The following FLT4 variants were observed in gnomAD, a reference collection of about 807,000 sequenced individuals.
FLT4 encodes the protein vascular endothelial growth factor receptor 3.
In FLT4, 30 loss-of-function variants were observed where a neutral mutation model predicts 163.2. That is an observed-to-expected ratio of 0.18 (90% CI 0.14 to 0.25). The LOEUF (loss-of-function observed/expected upper bound fraction) is 0.25, where lower values mean the gene tolerates loss of function less well. Ranked by LOEUF, FLT4 falls within the 10% of genes least tolerant of loss-of-function variation. The probability of loss-of-function intolerance (pLI) is 1.00; values close to 1 mark genes in which losing one functional copy is unlikely to be tolerated. For missense variants in FLT4, 1,510 were observed against 1,863.8 expected (o/e 0.81, Z 3.50); for synonymous variants, 884 against 789.5 (o/e 1.12, Z -2.01).
rs1764063443 is a variant in FLT4 at position 180,630,850 on chromosome 5, C to T, written c.156-51G>A. The T allele has an allele frequency of 1.3e-6, 2 of 1,554,358 alleles. No individual in the cohort carries two copies. The highest frequency in any genetic ancestry group is 1.2e-5 in the South Asian group (1 of 85,718). ...TGGGCCCCAGGGCAGCCCATGGGGA[C>T]TGTCCCTGAGAAGCCTCCCTCAGGC... On this transcript the variant is annotated intron_variant, in intron 2 of 29. Transcript: ENST00000261937. The surrounding 1 kb of genome is among the most constrained non-coding windows in gnomAD (Gnocchi z 6.3).
Position 180,631,795 on chromosome 5 carries a change from G to C in FLT4, c.59-17C>G. 6.4e-7 allele frequency: 1 copy of C among 1,563,578 alleles called. No homozygotes were observed. Among genetic ancestry groups the C allele is most frequent in the Non-Finnish European group, 8.8e-7 (1 of 1,139,950 alleles). ...TCACCAGGCCTGGGGTGGGAGACAG[G>C]GTCAGCGTGGTGCTGGGCTGTGACT... On this transcript the variant is annotated splice_polypyrimidine_tract_variant and intron_variant, in intron 1 of 29. Coordinates refer to ENST00000261937, the MANE Select transcript of FLT4 (RefSeq NM_182925.5).
Position 180,603,305 on chromosome 5 carries a change from G to C in FLT4, c.3979C>G (p.Arg1327Gly). Residue 1327 changes from arginine (R) to glycine (G), a missense_variant, in exon 30 of 30, where the codon CGA becomes GGA. This residue lies in a region of FLT4 where 295 missense variants were observed against 311.0 expected (regional missense o/e 0.95). Coordinates refer to ENST00000261937, the MANE Select transcript of FLT4 (RefSeq NM_182925.5). ...CTGTTGTAAAACACCTGGCCTCCTCGGGCCCCCCGCTCAGGCCGCCGCCGC... is the reference window on the plus strand; with the variant it reads ...CTGTTGTAAAACACCTGGCCTCCTCCGGCCCCCCGCTCAGGCCGCCGCCGC... ...GRRRRPERGA[R>G]GGQVFYNSEY... 1.2e-6 allele frequency: 2 copies of C among 1,613,908 alleles called. No homozygotes were observed. The highest frequency in any genetic ancestry group is 1.7e-6 in the Non-Finnish European group (2 of 1,179,942).
intron 29 of FLT4, among the ~76,000 whole-genome samples, chr5:180,605,958 G>C (rs1026839294): frequency 4.6e-5 from 7 of 152,210 alleles, no homozygotes; most frequent in Admixed American, 1.3e-4. Flanking sequence ...TGGTTAACAG[G>C]AGACAGCGAA....
At chr5:180,609,170 C>T in intron 28 of FLT4, 117 bp from the exon 29 acceptor site, 1 of 806,388 alleles carries the variant, frequency 1.2e-6, no homozygotes, top group Non-Finnish European at 2.2e-6. Flanking sequence ...TAACACCTGT[C>T]CCTGGGAAGC....
At chr5:180,608,530 G>A (rs1761930525) in intron 29 of FLT4, among the ~76,000 whole-genome samples, 1 of 152,132 alleles carries the variant, frequency 6.6e-6, no homozygotes, top group African/African-American at 2.4e-5. Context: ...CACACGGGGA[G>A]AACACCCGCT....
intron 29 of FLT4, among the ~76,000 whole-genome samples, chr5:180,607,473 TA>T (rs921732039): frequency 6.6e-6 from 1 of 150,868 alleles, no homozygotes; most frequent in East Asian, 2.0e-4. Flanking sequence ...CGGTCTCTAC[TA>T]AAAAAAATAC....
rs181584754 is a variant in FLT4, at chr5:180,624,010, C to A, written c.1473G>T (p.Ala491=). 5.8e-5 allele frequency: 94 copies of A among 1,613,292 alleles called. No individual in the cohort carries two copies. Among genetic ancestry groups the A allele is most frequent in the Non-Finnish European group, 7.8e-5 (92 of 1,179,996 alleles). Residue 491 remains alanine (A), a synonymous_variant, in exon 11 of 30, where the codon GCG becomes GCT. Coordinates refer to ENST00000261937, the MANE Select transcript of FLT4 (RefSeq NM_182925.5). ...GGTTCACGGCATCCTGCGTGGTCAC[C>A]GCCCTCCAGTCACGGCACTGTGGCA... ...DLMPQCRDWR[A]VTTQDAVNPI...
intron 1 of FLT4, among the ~76,000 whole-genome samples, chr5:180,642,170 G>C (rs1479780575): frequency 6.7e-6 from 1 of 150,366 alleles, no homozygotes; most frequent in Non-Finnish European, 1.5e-5. Flanking sequence ...TCGCGCCACT[G>C]CACTCCAGCT....
chr5:180,618,993 C>G (rs1214543082), intron 20 of FLT4, 28 bp downstream of exon 20: 1 of 1,546,848 alleles, frequency 6.5e-7, no homozygotes, highest in Non-Finnish European at 8.7e-7. Flanking sequence ...CCCCGCCGCC[C>G]GCGGCGCCCC....
intron 24 of FLT4, chr5:180,613,770 G>A (rs1762399875): frequency 6.3e-6 from 3 of 473,910 alleles, no homozygotes; most frequent in East Asian, 4.0e-5. Flanking sequence ...GAGTAGGCAC[G>A]TCTGCTGACT....
At chr5:180,627,172 C>T (rs1388828275) in intron 8 of FLT4, among the ~76,000 whole-genome samples, 2 of 152,238 alleles carry the variant, frequency 1.3e-5, no homozygotes, top group Non-Finnish European at 2.9e-5. Context: ...GGACAGGTGC[C>T]TGCCCCTGGT....
intron 20 of FLT4, 36 bp downstream of exon 20, chr5:180,618,985 C>G (rs1180748698): frequency 6.5e-7 from 1 of 1,549,650 alleles, no homozygotes; most frequent in South Asian, 1.2e-5. Flanking sequence ...CTCCATTCCC[C>G]CGCCGCCCGC....
rs556781459 is a variant in FLT4 at position 180,648,344 on chromosome 5, G to A, written c.58+1144C>T. On this transcript the variant is annotated intron_variant, in intron 1 of 29. Transcript: ENST00000261937. ...ACATACAGGTGGTGAGCAAAGGCAG[G>A]CTTTGTCAGGCTTACTTTGGGCCTC... Among the ~76,000 whole-genome samples the A allele has an allele frequency of 2.0e-5, 3 of 152,286 alleles. No homozygotes were observed. In the South Asian group the frequency reaches 6.2e-4, roughly 32 times the overall value.
chr5:180,626,360 A>C (rs1207693433), intron 8 of FLT4, 95 bp from the exon 9 acceptor site: 1 of 1,398,694 alleles, frequency 7.1e-7, no homozygotes, highest in Non-Finnish European at 1.0e-6. Flanking sequence ...GGGAGGAGGG[A>C]GGGGCTGGCA....
chr5:180,630,941 A>T lies in FLT4; in HGVS notation c.156-142T>A. 1 of 1,054,596 alleles carries T rather than the reference A, an allele frequency of 9.5e-7. No homozygotes were observed. The highest frequency in any genetic ancestry group is 1.3e-6 in the Non-Finnish European group (1 of 750,762). 65.3% of individuals were successfully genotyped at this position (1,054,596 alleles called of 1,614,324 possible). The stretch of plus-strand genomic sequence containing the variant: ...CCCAGGGTTTGGGCGCACACTACAG[A>T]CCGTGCCCAGGGCAGGGCACTCCCC... On this transcript the variant is annotated intron_variant, in intron 2 of 29. Transcript: ENST00000261937. This position sits in a 1 kb window ranked among gnomAD's most constrained non-coding sequence, Gnocchi z 6.3.
At position 180,630,451 on chromosome 5, in the gene FLT4, G is replaced by A. The variant is rs1764013439; in HGVS notation, c.400+104C>T. 12 of 1,571,754 alleles carry A rather than the reference G, an allele frequency of 7.6e-6. No individual in the cohort carries two copies. In the Admixed American group the frequency reaches 1.9e-4, roughly 25 times the overall value. The stretch of plus-strand genomic sequence containing the variant: ...CCAGCCACCCGCTGGAGCAGGTAGG[G>A]CCCCGTTCTCTCCTCCTGCCAGCCC... On this transcript the variant is annotated intron_variant, in intron 3 of 29. Coordinates refer to ENST00000261937, the MANE Select transcript of FLT4 (RefSeq NM_182925.5). The surrounding 1 kb of genome is among the most constrained non-coding windows in gnomAD (Gnocchi z 6.3).
chr5:180,606,015 G>A (rs1416777177), intron 29 of FLT4, among the ~76,000 whole-genome samples: 3 of 152,150 alleles, frequency 2.0e-5, no homozygotes, highest in Non-Finnish European at 2.9e-5. Flanking sequence ...ACCCCACCAA[G>A]GCACATTCTC....
At position 180,620,063 on chromosome 5, in the gene FLT4, G is replaced by A; in HGVS notation, c.2542+110C>T. The A allele has an allele frequency of 1.4e-6, 2 of 1,390,072 alleles. No homozygotes were observed. Among genetic ancestry groups the A allele is most frequent in the African/African-American group, 1.4e-5 (1 of 70,648 alleles). The allele number at this position is 1,390,072 out of a possible 1,614,324, so 86.1% of individuals were successfully genotyped here. Reference sequence around the variant, plus strand: ...ACGCCCACAGGGACAGGTCAGGCCAGGCGGAACTTCCTGGTGCAAGTTTTG... The same window carrying A: ...ACGCCCACAGGGACAGGTCAGGCCAAGCGGAACTTCCTGGTGCAAGTTTTG... On this transcript the variant is annotated intron_variant, in intron 17 of 29. Coordinates refer to ENST00000261937, the MANE Select transcript of FLT4 (RefSeq NM_182925.5). This position sits in a 1 kb window ranked among gnomAD's most constrained non-coding sequence, Gnocchi z 4.4.
At chr5:180,643,085 C>T (rs1407240154) in intron 1 of FLT4, among the ~76,000 whole-genome samples, 1 of 152,260 alleles carries the variant, frequency 6.6e-6, no homozygotes, top group African/African-American at 2.4e-5. Context: ...ATTCATTCTA[C>T]AGATGTCTGT....
Sources: gnomAD v4.1 joint callset for allele counts (sites outside exome capture counted in the v4.1 genomes callset) on GRCh38, gnomAD v4.1.1 for gene constraint, gnomAD v4.1.1 regional missense constraint, Gnocchi (gnomAD v3.1) non-coding constraint, MANE v1.5 for transcripts, NCBI Gene and HGNC (gene_info 2026-07-23, HGNC 2026-07-21) for gene names.